The following LPL variants were observed in gnomAD, a reference collection of about 807,000 sequenced individuals.
LPL encodes the protein lipoprotein lipase.
A neutral mutation model predicts 52.2 loss-of-function variants in LPL; 43 were observed. The observed-to-expected ratio is 0.82, with a 90% confidence interval of 0.64 to 1.06. The LOEUF (loss-of-function observed/expected upper bound fraction) is 1.06, where lower values mean the gene tolerates loss of function less well. LPL is among the 50% of genes least tolerant of loss of function. LPL has a pLI of 0.00. For missense variants in LPL, 639 were observed against 585.3 expected, an observed-to-expected ratio of 1.09 and a Z score of -0.95; for synonymous variants, 244 against 215.6, an observed-to-expected ratio of 1.13 and a Z score of -1.15.
chr8:19,958,568 A>T (rs888864231), intron 6 of LPL, among the ~76,000 whole-genome samples: 5 of 84,056 alleles, frequency 5.9e-5, no homozygotes, highest in East Asian at 3.1e-4. Flanking sequence ...GTTCTTTTTT[A>T]AAAAAAATTT....
Position 19,953,366 on chromosome 8 carries a change from C to T in LPL, c.486C>T (p.Ala162=). Residue 162 remains alanine, a synonymous_variant, in exon 4 of 10, where the codon GCC becomes GCT. Coordinates refer to ENST00000650287, the MANE Select transcript of LPL (RefSeq NM_000237.3). The stretch of plus-strand genomic sequence containing the variant: ...ATCTCTTGGGATACAGCCTTGGAGC[C>T]CATGCTGCTGGCATTGCAGGAAGTC... ...NVHLLGYSLG[A]HAAGIAGSLT... 6.2e-7 allele frequency: 1 copy of T among 1,613,998 alleles called. No individual in the cohort carries two copies. The highest frequency in any genetic ancestry group is 8.5e-7 in the Non-Finnish European group (1 of 1,179,914).
intron 1 of LPL, among the ~76,000 whole-genome samples, chr8:19,946,062 A>T (rs1273356240): frequency 6.6e-6 from 1 of 152,204 alleles, no homozygotes; most frequent in Non-Finnish European, 1.5e-5. Context: ...TCAGAGAAAT[A>T]GTAAAGCTAC....
Position 19,954,122 on chromosome 8 carries a change from C to T in LPL, c.544C>T (p.Leu182Phe), listed in dbSNP as rs1186242076. Residue 182 changes from leucine (L) to phenylalanine (F), a missense_variant and splice_region_variant, in exon 5 of 10, where the codon CTC (leucine) becomes TTC (phenylalanine). By Grantham distance (22) the Leu-to-Phe change is conservative. Transcript: ENST00000650287. ...TTCCTGCTTTTTTCCCTTTTAAGGC[C>T]TCGATCCAGCTGGACCTAACTTTGA... is the stretch of plus-strand genomic sequence containing the variant. The part of the protein sequence containing the change: ...TNKKVNRITG[L>F]DPAGPNFEYA... 4.3e-6 allele frequency: 7 copies of T among 1,613,320 alleles called. No individual in the cohort carries two copies. The South Asian group carries it at 5.5e-5, about 13-fold the overall frequency.
At position 19,951,838 on chromosome 8, in the gene LPL, A is replaced by C; in HGVS notation, c.319A>C (p.Asn107His). 2 of 1,614,122 alleles carry C rather than the reference A, an allele frequency of 1.2e-6. No homozygotes were observed. Among genetic ancestry groups the C allele is most frequent in the Non-Finnish European group, 1.7e-6 (2 of 1,180,030 alleles). ...AALYKREPDS[N>H]VIVVDWLSRA... is the part of the protein sequence containing the mutation. ...CCTGTACAAGAGAGAACCAGACTCC[A>C]ATGTCATTGTGGTGGACTGGCTGTC... The change falls in exon 3 of 10, where the codon AAT becomes CAT. Residue 107 changes from asparagine to histidine, a missense_variant. Physicochemically the swap from Asn to His is moderately conservative, Grantham distance 68. Transcript: ENST00000650287.
chr8:19,948,491 G>T, intron 2 of LPL, 151 bp downstream of exon 2: 1 of 880,738 alleles, frequency 1.1e-6, no homozygotes, highest in Non-Finnish European at 1.7e-6. Flanking sequence ...GCTCAGGTGG[G>T]ATCTGAAGCC....
At chr8:19,960,575 G>A (rs896984414) in intron 7 of LPL, among the ~76,000 whole-genome samples, 1 of 152,132 alleles carries the variant, frequency 6.6e-6, no homozygotes, top group Non-Finnish European at 1.5e-5. Context: ...TATGATTGTA[G>A]CTAAATAATG....
intron 8 of LPL, among the ~76,000 whole-genome samples, chr8:19,961,320 G>A (rs1407379651): frequency 2.0e-5 from 3 of 151,608 alleles, no homozygotes; most frequent in Admixed American, 1.3e-4. Flanking sequence ...GCCCTGAATC[G>A]CTCACAGTTA....
At chr8:19,941,241 G>C (rs1177875347) in intron 1 of LPL, among the ~76,000 whole-genome samples, 1 of 152,200 alleles carries the variant, frequency 6.6e-6, no homozygotes, top group Non-Finnish European at 1.5e-5. Flanking sequence ...GGTATGTTTC[G>C]TATGTTTCCC....
chr8:19,948,064 C>T, intron 1 of LPL, 116 bp from the exon 2 acceptor site: 3 of 1,151,940 alleles, frequency 2.6e-6, no homozygotes, highest in South Asian at 2.5e-5. Context: ...TTCGAAAACA[C>T]TTCAGAAACA....
intron 8 of LPL, among the ~76,000 whole-genome samples, chr8:19,961,299 G>C (rs1460718393): frequency 6.6e-6 from 1 of 151,742 alleles, no homozygotes; most frequent in Non-Finnish European, 1.5e-5. Context: ...TTTCATGTAA[G>C]GAAAACATAA....
chr8:19,944,118 A>T lies in LPL; in HGVS notation c.89-4062A>T, dbSNP rs1590136908. On this transcript the variant is annotated intron_variant, in intron 1 of 9. Transcript: ENST00000650287. This position sits in a 1 kb window ranked among gnomAD's most constrained non-coding sequence, Gnocchi z 4.2. ...AGAGAATGGCTTGAACCCAGGAGGC[A>T]TAGGTTGCAGTGAGTCACGATCGTG... Among the ~76,000 whole-genome samples, 3 of 152,228 alleles carry T rather than the reference A, an allele frequency of 2.0e-5. No individual in the cohort carries two copies. The South Asian group carries it at 6.2e-4, about 32-fold the overall frequency.
At position 19,947,733 on chromosome 8, in the gene LPL, C is replaced by T. The variant is rs146174239; in HGVS notation, c.89-447C>T. ...GCCATGCATGAGTCAGTGTTCTCCA[C>T]GAAAGCAAGCTTCAAAGTGGAACTG... On this transcript the variant is annotated intron_variant, in intron 1 of 9. Transcript: ENST00000650287. Among the ~76,000 whole-genome samples, 108 of 145,548 alleles carry T rather than the reference C, an allele frequency of 7.4e-4. 1 individual carries two copies. Among genetic ancestry groups the T allele is most frequent in the African/African-American group, 2.3e-3 (92 of 39,864 alleles).
rs2069929853 is a variant in LPL at position 19,950,982 on chromosome 8, A to C, written c.250-787A>C. Among the ~76,000 whole-genome samples, 1 of 151,444 alleles carries C rather than the reference A, an allele frequency of 6.6e-6. No individual in the cohort carries two copies. Among genetic ancestry groups the C allele is most frequent in the African/African-American group, 2.4e-5 (1 of 40,834 alleles). ...GAACAAAGAAAAGAGAAACACTGGT[A>C]GTACAGAAAAACTTCTGATAGAGGC... On this transcript the variant is annotated intron_variant, in intron 2 of 9. Coordinates refer to ENST00000650287, the MANE Select transcript of LPL (RefSeq NM_000237.3). The surrounding 1 kb of genome is among the most constrained non-coding windows in gnomAD (Gnocchi z 4.2).
At chr8:19,956,990 AT>A (rs2069991613) in intron 6 of LPL, among the ~76,000 whole-genome samples, 1 of 152,086 alleles carries the variant, frequency 6.6e-6, no homozygotes, top group South Asian at 2.1e-4. Context: ...TGCCCAGCTA[AT>A]TTTTGTATTT....
At chr8:19,958,838 T>A (rs2128839104) in intron 6 of LPL, among the ~76,000 whole-genome samples, 2 of 152,264 alleles carry the variant, frequency 1.3e-5, no homozygotes, top group Admixed American at 1.3e-4. Flanking sequence ...CACAGTGACA[T>A]ATAGTGACAC....
chr8:19,960,515 A>G (rs313), intron 7 of LPL, among the ~76,000 whole-genome samples: 5,675 of 152,302 alleles, frequency 0.037, 351 homozygotes, highest in African/African-American at 0.13. Flanking sequence ...ATAGTAAAAA[A>G]TGGAATATAA....
chr8:19,940,938 T>C (rs1181058681), intron 1 of LPL, among the ~76,000 whole-genome samples: 1 of 150,116 alleles, frequency 6.7e-6, no homozygotes, highest in South Asian at 2.1e-4. Context: ...AAAAAAAAAA[T>C]ACAAAAATTA....
chr8:19,943,706 T>C (rs1021489858), intron 1 of LPL, among the ~76,000 whole-genome samples: 2 of 152,244 alleles, frequency 1.3e-5, no homozygotes, highest in Non-Finnish European at 2.9e-5. Flanking sequence ...TAAATAATGA[T>C]GGCTTATTCA....
At chr8:19,953,489 A>G in intron 4 of LPL, 68 bp downstream of exon 4, 3 of 1,257,064 alleles carry the variant, frequency 2.4e-6, no homozygotes, top group South Asian at 1.2e-5. Context: ...AGAGAATCAG[A>G]ACAAATTTTG....
Sources: allele counts gnomAD v4.1 joint callset (sites outside exome capture counted in the v4.1 genomes callset), GRCh38; gene constraint gnomAD v4.1.1; non-coding constraint Gnocchi (gnomAD v3.1); transcripts MANE v1.5; gene names NCBI Gene and HGNC (gene_info 2026-07-23, HGNC 2026-07-21).